Variants in RTN4RL1 observed in about 807,000 individuals in gnomAD.
RTN4RL1 encodes reticulon 4 receptor like 1.
A neutral mutation model predicts 25.6 loss-of-function variants in RTN4RL1; 7 were observed. The ratio of observed to expected loss-of-function variants is 0.27; its 90% CI spans 0.16 to 0.51. RTN4RL1 has a LOEUF of 0.51. Ranked by LOEUF, RTN4RL1 falls within the 20% of genes least tolerant of loss-of-function variation. The pLI, the probability that RTN4RL1 is intolerant of heterozygous loss-of-function variation, is 0.97. For synonymous variants in RTN4RL1, 297 were observed against 288.2 expected, an observed-to-expected ratio of 1.03 and a Z score of -0.31; for missense variants, 500 against 615.6, an observed-to-expected ratio of 0.81 and a Z score of 1.99.
At chr17:1,981,555 C>A (rs2066867325) in intron 1 of RTN4RL1, among the ~76,000 whole-genome samples, 1 of 152,174 alleles carries the variant, frequency 6.6e-6, no homozygotes, top group South Asian at 2.1e-4. Context: ...TCTTCCCTCC[C>A]TCATGCCCTG....
intron 1 of RTN4RL1, among the ~76,000 whole-genome samples, chr17:2,014,820 G>T (rs1481051489): frequency 6.6e-6 from 1 of 150,688 alleles, no homozygotes; most frequent in African/African-American, 2.5e-5. Flanking sequence ...CGACAGGGAA[G>T]GACTCCATCT....
chr17:1,948,098 C>T (rs1915595671), intron 1 of RTN4RL1, among the ~76,000 whole-genome samples: 1 of 152,234 alleles, frequency 6.6e-6, no homozygotes, highest in Admixed American at 6.5e-5. Context: ...CAACCCGCCG[C>T]AGAAAGACCT....
At chr17:1,987,430 C>T (rs184914270) in intron 1 of RTN4RL1, among the ~76,000 whole-genome samples, 9 of 152,266 alleles carry the variant, frequency 5.9e-5, no homozygotes, top group Admixed American at 2.0e-4. Context: ...CTGAGAATGA[C>T]GCCAACTCCG....
At chr17:2,007,742 G>A (rs8077149) in intron 1 of RTN4RL1, among the ~76,000 whole-genome samples, 12,643 of 151,500 alleles carry the variant, frequency 0.083, 770 homozygotes, top group African/African-American at 0.16. Flanking sequence ...TCAGGAGTTC[G>A]AAACCAGCCT....
intron 1 of RTN4RL1, among the ~76,000 whole-genome samples, chr17:1,966,200 T>C (rs910489851): frequency 1.3e-5 from 2 of 152,188 alleles, no homozygotes; most frequent in Admixed American, 6.5e-5. Flanking sequence ...CAGTGACATG[T>C]GTCCAAGCCG....
chr17:1,949,967 G>T (rs1302393940), intron 1 of RTN4RL1, among the ~76,000 whole-genome samples: 1 of 152,246 alleles, frequency 6.6e-6, no homozygotes, highest in East Asian at 1.9e-4. Context: ...GCAGGACTGA[G>T]CTTGGCTTGG....
At chr17:1,971,244 C>T (rs184776912) in intron 1 of RTN4RL1, among the ~76,000 whole-genome samples, 5 of 152,306 alleles carry the variant, frequency 3.3e-5, no homozygotes, top group African/African-American at 4.8e-5. Context: ...ACAGTTCCTC[C>T]TTCACATGCT....
intron 1 of RTN4RL1, among the ~76,000 whole-genome samples, chr17:1,997,959 C>A (rs1170157134): frequency 1.3e-5 from 2 of 152,222 alleles, no homozygotes; most frequent in Non-Finnish European, 2.9e-5. Flanking sequence ...GGCGCAGGTG[C>A]CTTCGGTTGG....
Position 1,962,288 on chromosome 17 carries a change from AAAAG to A in RTN4RL1, c.14-24484_14-24481del, listed in dbSNP as rs1369587117. On this transcript the variant is annotated intron_variant, in intron 1 of 1. Transcript: ENST00000331238. ...ATCAAGACCCTCTCTGGAAAAAAAA[AAAAG>A]AAAGTAAGAAAAAAGAAAAGAAGTA... is the stretch of plus-strand genomic sequence containing the variant. Among the ~76,000 whole-genome samples the A allele has an allele frequency of 7.2e-5, 11 of 152,000 alleles. No individual in the cohort carries two copies. In the East Asian group the frequency reaches 9.7e-4, roughly 13 times the overall value.
chr17:1,952,332 G>GTTTTTT (rs56878786), intron 1 of RTN4RL1, among the ~76,000 whole-genome samples: 3 of 135,444 alleles, frequency 2.2e-5, no homozygotes, highest in Admixed American at 8.0e-5. Flanking sequence ...AGGGAGGTTG[G>GTTTTTT]TTTTTTTTTT....
In RTN4RL1 at chr17:1,937,672, C is replaced by A. The variant is rs1915340395; in HGVS notation, c.150G>T (p.Glu50Asp). 4 of 1,613,706 alleles carry A rather than the reference C, an allele frequency of 2.5e-6. No homozygotes were observed. ...CGCGCTCGCTGTCCACGGGGATGCCCTCCGGGATGGCTGCAAAGTTGTGCG... is the reference window on the plus strand; with the variant it reads ...CGCGCTCGCTGTCCACGGGGATGCCATCCGGGATGGCTGCAAAGTTGTGCG... ...CQAHNFAAIP[E>D]GIPVDSERVF... The change falls in exon 2 of 2, where the codon GAG (glutamate) becomes GAT (aspartate). Residue 50 changes from glutamate to aspartate, a missense_variant. This residue lies in a region of RTN4RL1 where 232 missense variants were observed against 341.1 expected (regional missense o/e 0.68). Coordinates refer to ENST00000331238, the MANE Select transcript of RTN4RL1 (RefSeq NM_178568.4).
chr17:1,945,902 C>A (rs1915528397), intron 1 of RTN4RL1, among the ~76,000 whole-genome samples: 1 of 152,200 alleles, frequency 6.6e-6, no homozygotes, highest in Non-Finnish European at 1.5e-5. Context: ...AGATGCTGCT[C>A]AGGAAGCCCT....
intron 1 of RTN4RL1, chr17:2,001,376 T>A (rs531290658): frequency 1.3e-5 from 2 of 152,410 alleles, no homozygotes; most frequent in African/African-American, 4.8e-5. Context: ...CCCGAGTAGC[T>A]GGGACTACAG....
chr17:1,952,565 G>A (rs1017495585), intron 1 of RTN4RL1, among the ~76,000 whole-genome samples: 1 of 151,278 alleles, frequency 6.6e-6, no homozygotes, highest in Admixed American at 6.6e-5. Context: ...GACTGGTCTT[G>A]AACTCCTGAC....
At chr17:1,972,009 A>G (rs540714341) in intron 1 of RTN4RL1, among the ~76,000 whole-genome samples, 9 of 149,476 alleles carry the variant, frequency 6.0e-5, no homozygotes, top group African/African-American at 2.0e-4. Context: ...GTGGTGGCAC[A>G]CACCCGTAGT....
At position 1,936,716 on chromosome 17, in the gene RTN4RL1, C is replaced by T; in HGVS notation, c.1106G>A (p.Gly369Asp). ...CAGCTCGGGGGCCTGTTTCCCGGCG[C>T]CCGCCTTAGAGATCTGATTGCGGTT... is the stretch of plus-strand genomic sequence containing the variant. ...PRNRNQISKA[G>D]AGKQAPELPD... Residue 369 changes from glycine to aspartate, a missense_variant, in exon 2 of 2, where the codon GGC becomes GAC. By Grantham distance (94) the Gly-to-Asp change is moderately conservative. Coordinates refer to ENST00000331238, the MANE Select transcript of RTN4RL1 (RefSeq NM_178568.4). The T allele has an allele frequency of 6.3e-7, 1 of 1,586,846 alleles. No individual in the cohort carries two copies. Among genetic ancestry groups the T allele is most frequent in the South Asian group, 1.2e-5 (1 of 86,316 alleles).
intron 1 of RTN4RL1, among the ~76,000 whole-genome samples, chr17:2,023,870 C>T (rs907942299): frequency 1.3e-5 from 2 of 152,208 alleles, no homozygotes; most frequent in African/African-American, 4.8e-5. Flanking sequence ...TCCCGCAGGG[C>T]CGGGGCAGCC....
intron 1 of RTN4RL1, among the ~76,000 whole-genome samples, chr17:1,980,802 C>T (rs546466275): frequency 1.3e-5 from 2 of 151,544 alleles, no homozygotes; most frequent in African/African-American, 2.4e-5. Flanking sequence ...GGTGGTGTAG[C>T]CTGTAATCCC....
At chr17:1,971,465 G>A (rs2066818375) in intron 1 of RTN4RL1, among the ~76,000 whole-genome samples, 1 of 152,188 alleles carries the variant, frequency 6.6e-6, no homozygotes, top group Non-Finnish European at 1.5e-5. Context: ...AGGAAGCTGA[G>A]CCTCAAAGAG....
Sources: allele counts gnomAD v4.1 joint callset (sites outside exome capture counted in the v4.1 genomes callset), GRCh38; gene constraint gnomAD v4.1.1; regional missense constraint gnomAD v4.1.1; transcripts MANE v1.5; gene names NCBI Gene and HGNC (gene_info 2026-07-23, HGNC 2026-07-21).